The following PITPNC1 variants were observed in gnomAD, a reference collection of about 807,000 sequenced individuals.
The protein encoded by PITPNC1 is cytoplasmic phosphatidylinositol transfer protein 1.
A neutral mutation model predicts 44.7 loss-of-function variants in PITPNC1; 18 were observed. The ratio of observed to expected loss-of-function variants is 0.40; its 90% CI spans 0.28 to 0.60. PITPNC1 has a LOEUF of 0.60. PITPNC1 is among the 20% of genes least tolerant of loss of function. The pLI is 0.39. For synonymous variants in PITPNC1, 141 were observed against 149.6 expected, an observed-to-expected ratio of 0.94 and a Z score of 0.42; for missense variants, 290 against 418.4, an observed-to-expected ratio of 0.69 and a Z score of 2.68.
At chr17:67,569,990 G>C (rs2041030953) in intron 4 of PITPNC1, among the ~76,000 whole-genome samples, 1 of 152,164 alleles carries the variant, frequency 6.6e-6, no homozygotes, top group South Asian at 2.1e-4. Flanking sequence ...GGACAGAAAT[G>C]ACTCACTGAT....
chr17:67,494,212 TCTTTTTGA>T (rs2039908567), intron 1 of PITPNC1, among the ~76,000 whole-genome samples: 1 of 149,612 alleles, frequency 6.7e-6, no homozygotes, highest in African/African-American at 2.5e-5. Context: ...TTTCTTTCTT[TCTTTTTGA>T]GACGTAGTCT....
At chr17:67,385,686 C>A (rs552642790) in intron 1 of PITPNC1, among the ~76,000 whole-genome samples, 1 of 152,200 alleles carries the variant, frequency 6.6e-6, no homozygotes, top group East Asian at 1.9e-4. Context: ...GAACCATCTC[C>A]GGACACAGTT....
chr17:67,526,627 G>A (rs1361358634), intron 1 of PITPNC1, among the ~76,000 whole-genome samples: 1 of 152,030 alleles, frequency 6.6e-6, no homozygotes, highest in African/African-American at 2.4e-5. Context: ...AGCTACTTGG[G>A]AGGCTGAGGC....
chr17:67,438,818 C>T (rs1233181486), intron 1 of PITPNC1, among the ~76,000 whole-genome samples: 2 of 152,200 alleles, frequency 1.3e-5, no homozygotes, highest in African/African-American at 2.4e-5. Flanking sequence ...CTTACGGCTA[C>T]TATTCTGAGT....
chr17:67,632,284 C>A, intron 6 of PITPNC1, 46 bp downstream of exon 6: 1 of 1,183,770 alleles, frequency 8.4e-7, no homozygotes, highest in Non-Finnish European at 1.3e-6. Flanking sequence ...TTCATTCATT[C>A]ATTCCACAAC....
chr17:67,500,441 A>G (rs536917141), intron 1 of PITPNC1, among the ~76,000 whole-genome samples: 4 of 152,304 alleles, frequency 2.6e-5, no homozygotes, highest in African/African-American at 7.2e-5. Context: ...TGAAATATCC[A>G]GGATAGGCAC....
intron 6 of PITPNC1, among the ~76,000 whole-genome samples, chr17:67,644,240 C>T (rs144556924): frequency 1.3e-5 from 2 of 152,216 alleles, no homozygotes; most frequent in African/African-American, 2.4e-5. Flanking sequence ...GGATGGTACC[C>T]AAGGCAGTAT....
intron 1 of PITPNC1, among the ~76,000 whole-genome samples, chr17:67,496,312 C>T (rs777065473): frequency 2.0e-5 from 3 of 152,156 alleles, no homozygotes; most frequent in Non-Finnish European, 4.4e-5. Flanking sequence ...TTCTTGTATG[C>T]GGTTATTCCC....
chr17:67,692,688 T>C lies in PITPNC1; in HGVS notation c.799T>C (p.Ser267Pro). Reference protein sequence around the residue: ...SISSIPLLPSSVRSAPSSAPS... With the variant: ...SISSIPLLPSPVRSAPSSAPS... Reference sequence around the variant, plus strand: ...CTCCAGCATCCCCCTGCTGCCTTCTTCCGTCCGCAGTGCGCCTTCTAGTGC... The same window carrying C: ...CTCCAGCATCCCCCTGCTGCCTTCTCCCGTCCGCAGTGCGCCTTCTAGTGC... Residue 267 changes from serine to proline, a missense_variant, in exon 9 of 9, where the codon TCC (serine) becomes CCC (proline). Physicochemically the swap from Ser to Pro is moderately conservative, Grantham distance 74. Transcript: ENST00000581322. The C allele has an allele frequency of 3.1e-6, 5 of 1,613,776 alleles. No homozygotes were observed. Among genetic ancestry groups the C allele is most frequent in the Non-Finnish European group, 4.2e-6 (5 of 1,179,746 alleles).
rs749876449 is a variant in PITPNC1 at position 67,692,701 on chromosome 17, C to T, written c.812C>T (p.Ala271Val). Residue 271 changes from alanine to valine, a missense_variant, in exon 9 of 9, where the codon GCG (alanine) becomes GTG (valine). Coordinates refer to ENST00000581322, the MANE Select transcript of PITPNC1 (RefSeq NM_012417.4). ...CTGCTGCCTTCTTCCGTCCGCAGTG[C>T]GCCTTCTAGTGCTCCATCCACCCCT... ...IPLLPSSVRS[A>V]PSSAPSTPLS... The T allele has an allele frequency of 4.3e-6, 7 of 1,613,770 alleles. No homozygotes were observed. The highest frequency in any genetic ancestry group is 1.1e-5 in the South Asian group (1 of 91,068).
At chr17:67,488,757 G>A (rs1285611455) in intron 1 of PITPNC1, among the ~76,000 whole-genome samples, 3 of 152,162 alleles carry the variant, frequency 2.0e-5, no homozygotes, top group Non-Finnish European at 1.5e-5. Flanking sequence ...GCCCCTGGCA[G>A]CCGCCCGTCT....
At chr17:67,647,474 T>TG (rs769099390) in intron 6 of PITPNC1, among the ~76,000 whole-genome samples, 2,719 of 99,092 alleles carry the variant, frequency 0.027, 34 homozygotes, top group Middle Eastern at 0.038. Context: ...GTTTTTTTTT[T>TG]TTTTTTTTTT....
In PITPNC1 at chr17:67,566,876, T is replaced by C. The variant is rs554882054; in HGVS notation, c.295-11310T>C. On this transcript the variant is annotated intron_variant, in intron 4 of 8. Transcript: ENST00000581322. The stretch of plus-strand genomic sequence containing the variant: ...ATCAGCATGAGATCACAAGCATGCA[T>C]GTCAGAGCTAGACAGCCTGGCTTGA... Among the ~76,000 whole-genome samples the C allele has an allele frequency of 1.9e-3, 297 of 152,354 alleles. 1 individual carries two copies. The highest frequency in any genetic ancestry group is 6.7e-3 in the African/African-American group (278 of 41,580).
intron 6 of PITPNC1, among the ~76,000 whole-genome samples, chr17:67,636,522 G>A (rs1460928396): frequency 6.6e-6 from 1 of 152,200 alleles, no homozygotes; most frequent in Non-Finnish European, 1.5e-5. Flanking sequence ...CCTCCCAGGG[G>A]ATCTGCTGGC....
intron 1 of PITPNC1, among the ~76,000 whole-genome samples, chr17:67,495,037 G>GTTTTTTTT (rs2039925221): frequency 1.5e-4 from 12 of 79,402 alleles, no homozygotes; most frequent in African/African-American, 2.4e-4. Context: ...GAGCCATGGA[G>GTTTTTTTT]TTGTTTTTTT....
intron 2 of PITPNC1, among the ~76,000 whole-genome samples, chr17:67,545,891 G>T (rs914580376): frequency 2.0e-5 from 3 of 152,028 alleles, no homozygotes; most frequent in African/African-American, 7.3e-5. Context: ...ACTCGGGAGT[G>T]ACAGTGCACA....
At chr17:67,569,183 T>C (rs1177907697) in intron 4 of PITPNC1, among the ~76,000 whole-genome samples, 4 of 152,192 alleles carry the variant, frequency 2.6e-5, no homozygotes, top group South Asian at 2.1e-4. Flanking sequence ...TTTAAGACTT[T>C]GGTTTGCTTA....
chr17:67,618,824 C>T (rs564602569), intron 5 of PITPNC1, among the ~76,000 whole-genome samples: 5 of 151,764 alleles, frequency 3.3e-5, no homozygotes, highest in East Asian at 1.9e-4. Context: ...TTTGGGAGGC[C>T]GAGACGGGCA....
At chr17:67,515,474 G>A (rs898275481) in intron 1 of PITPNC1, among the ~76,000 whole-genome samples, 5 of 152,214 alleles carry the variant, frequency 3.3e-5, no homozygotes, top group Admixed American at 1.3e-4. Context: ...AGCAAAAGAA[G>A]TAGTATATAT....
Sources: gnomAD v4.1 joint callset for allele counts (sites outside exome capture counted in the v4.1 genomes callset) on GRCh38, gnomAD v4.1.1 for gene constraint, MANE v1.5 for transcripts, NCBI Gene and HGNC (gene_info 2026-07-23, HGNC 2026-07-21) for gene names.